The following ADCY1 variants were observed in gnomAD, a reference collection of about 807,000 sequenced individuals.
ADCY1 encodes adenylate cyclase 1.
ADCY1 carries 28 observed loss-of-function variants against 105.4 expected under a neutral mutation model. The observed-to-expected ratio is 0.27, with a 90% CI of 0.20 to 0.36. The LOEUF (loss-of-function observed/expected upper bound fraction) is 0.36. ADCY1 is among the 10% of genes least tolerant of loss of function. The pLI is 1.00. For missense variants in ADCY1, 977 were observed against 1,434.2 expected (o/e 0.68, Z 5.15); for synonymous variants, 655 against 623.8 (o/e 1.05, Z -0.75).
intron 6 of ADCY1, 34 bp downstream of exon 6, chr7:45,657,919 G>GT: frequency 6.8e-7 from 1 of 1,470,500 alleles, no homozygotes; most frequent in Non-Finnish European, 9.3e-7. Context: ...GGGGAGGGAG[G>GT]TGGGTGATGG....
At chr7:45,658,145 A>C (rs908262020) in intron 6 of ADCY1, among the ~76,000 whole-genome samples, 8 of 152,214 alleles carry the variant, frequency 5.3e-5, no homozygotes, top group Admixed American at 5.2e-4. Context: ...CCAGAAGGCC[A>C]GAGCAGATGC....
At chr7:45,657,691 T>C (rs768611652) in intron 5 of ADCY1, 36 bp from the exon 6 acceptor site, 1 of 1,594,118 alleles carries the variant, frequency 6.3e-7, no homozygotes, top group African/African-American at 1.3e-5. Flanking sequence ...GGATACAAGG[T>C]GGGCCCTAGC....
chr7:45,580,976 A>G (rs965440472), intron 1 of ADCY1, among the ~76,000 whole-genome samples: 2 of 151,162 alleles, frequency 1.3e-5, no homozygotes, highest in African/African-American at 2.4e-5. Flanking sequence ...CCAGGGATCA[A>G]CTCCTTAGGT....
rs551484293 is a variant in ADCY1, at chr7:45,650,286, C to T, written c.1148+1489C>T. Among the ~76,000 whole-genome samples the T allele has an allele frequency of 6.6e-5, 10 of 152,150 alleles. No homozygotes were observed. The South Asian group carries it at 2.1e-3, about 32-fold the overall frequency. On this transcript the variant is annotated intron_variant, in intron 5 of 19. Coordinates refer to ENST00000297323, the MANE Select transcript of ADCY1 (RefSeq NM_021116.4). ...TATCACACGTCATATAACTGTCTTT[C>T]GTATTTCTTAATGGATCACATCATA...
chr7:45,653,391 G>A (rs905181709), intron 5 of ADCY1, among the ~76,000 whole-genome samples: 2 of 152,168 alleles, frequency 1.3e-5, no homozygotes, highest in African/African-American at 4.8e-5. Context: ...CTGAGGTTTG[G>A]GGCCAGTCCT....
rs554210336 is a variant in ADCY1, at chr7:45,662,658, A to G, written c.1605+444A>G. The stretch of plus-strand genomic sequence containing the variant: ...TGTGCGGCTTCCTGGCTCCCTCTCT[A>G]TGCAGGAGCTCGCTGCCTGCAGATG... On this transcript the variant is annotated intron_variant, in intron 8 of 19. Transcript: ENST00000297323. Among the ~76,000 whole-genome samples, 8 of 151,120 alleles carry G rather than the reference A, an allele frequency of 5.3e-5. No individual in the cohort carries two copies. In the South Asian group the frequency reaches 8.5e-4, roughly 16 times the overall value.
Position 45,595,480 on chromosome 7 carries a change from C to T in ADCY1, c.789+2572C>T, listed in dbSNP as rs551650599. 3.3e-5 allele frequency among the ~76,000 whole-genome samples: 5 copies of T among 152,284 alleles called. No individual in the cohort carries two copies. In the East Asian group the frequency reaches 9.6e-4, roughly 29 times the overall value. On this transcript the variant is annotated intron_variant, in intron 2 of 19. Coordinates refer to ENST00000297323, the MANE Select transcript of ADCY1 (RefSeq NM_021116.4). The stretch of plus-strand genomic sequence containing the variant: ...TGTTTCCCCTGCCCCTTTCCGTTTA[C>T]TAAGGCTGACGGCGACTCCTTCATG...
At chr7:45,662,626 C>G (rs1035353871) in intron 8 of ADCY1, among the ~76,000 whole-genome samples, 16 of 152,160 alleles carry the variant, frequency 1.1e-4, no homozygotes, top group African/African-American at 3.6e-4. Flanking sequence ...CCTCATCTGT[C>G]TGTGCCTGTG....
rs1195485789 is a variant in ADCY1, at chr7:45,715,844, C to T, written c.*1849C>T. 1 of 152,686 alleles carries T rather than the reference C, an allele frequency of 6.5e-6. No individual in the cohort carries two copies. The highest frequency in any genetic ancestry group is 1.5e-5 in the Non-Finnish European group (1 of 68,448). 9.5% of individuals were successfully genotyped at this position (152,686 alleles called of 1,614,324 possible). A position where few individuals can be genotyped will look rare whatever the true frequency, so the allele number is the denominator to read the frequency against. ...CATGTGGGGGCCCCTGTCTGCCTGT[C>T]CTTAGGGTGTGGATTAGGCTCTGGC... On this transcript the variant is annotated 3_prime_UTR_variant, in exon 20 of 20. Coordinates refer to ENST00000297323, the MANE Select transcript of ADCY1 (RefSeq NM_021116.4).
chr7:45,689,263 A>C (rs1376016128), intron 14 of ADCY1, among the ~76,000 whole-genome samples: 2 of 151,868 alleles, frequency 1.3e-5, no homozygotes, highest in Non-Finnish European at 2.9e-5. Context: ...GTGGGAGGGG[A>C]CCCTGGTGGG....
At position 45,686,285 on chromosome 7, in the gene ADCY1, A is replaced by T; in HGVS notation, c.2327+70A>T. 1 of 1,544,302 alleles carries T rather than the reference A, an allele frequency of 6.5e-7. No individual in the cohort carries two copies. Among genetic ancestry groups the T allele is most frequent in the Non-Finnish European group, 8.8e-7 (1 of 1,142,270 alleles). ...ACTGAATCTGTGTATACAGATATGC[A>T]CTACAGGCTTCTGAGTCCAGAACTA... On this transcript the variant is annotated intron_variant, in intron 13 of 19. Coordinates refer to ENST00000297323, the MANE Select transcript of ADCY1 (RefSeq NM_021116.4). The surrounding 1 kb of genome is among the most constrained non-coding windows in gnomAD (Gnocchi z 4.3).
chr7:45,691,410 G>T (rs1393774499), intron 14 of ADCY1, among the ~76,000 whole-genome samples: 2 of 152,198 alleles, frequency 1.3e-5, no homozygotes, highest in Non-Finnish European at 2.9e-5. Context: ...TTGCCTGTTT[G>T]CCCTTGGACA....
At chr7:45,643,497 A>G (rs368082191) in intron 4 of ADCY1, among the ~76,000 whole-genome samples, 10 of 151,922 alleles carry the variant, frequency 6.6e-5, no homozygotes, top group East Asian at 5.8e-4. Context: ...CTTTGTGGTT[A>G]TTTTTGTCCT....
chr7:45,654,985 G>A (rs944428198), intron 5 of ADCY1, among the ~76,000 whole-genome samples: 1 of 152,182 alleles, frequency 6.6e-6, no homozygotes, highest in Admixed American at 6.5e-5. Context: ...GGCTGCTGCA[G>A]GCGTGTGTGT....
chr7:45,688,665 T>C (rs898216658), intron 14 of ADCY1, among the ~76,000 whole-genome samples: 12 of 152,182 alleles, frequency 7.9e-5, no homozygotes, highest in African/African-American at 2.2e-4. Flanking sequence ...ACACTGTCTA[T>C]ATGTGTATCT....
At chr7:45,585,769 C>A (rs1792705674) in intron 1 of ADCY1, among the ~76,000 whole-genome samples, 2 of 152,114 alleles carry the variant, frequency 1.3e-5, no homozygotes, top group Non-Finnish European at 1.5e-5. Flanking sequence ...TCTTTTATGC[C>A]AAGCACCTTG....
intron 3 of ADCY1, among the ~76,000 whole-genome samples, chr7:45,617,447 A>C (rs1159060403): frequency 6.6e-6 from 1 of 152,070 alleles, no homozygotes; most frequent in Admixed American, 6.6e-5. Flanking sequence ...TGAGAGAGGG[A>C]TGTGTTTACC....
intron 1 of ADCY1, among the ~76,000 whole-genome samples, chr7:45,590,865 G>T (rs1008081893): frequency 2.6e-5 from 4 of 152,184 alleles, no homozygotes; most frequent in Non-Finnish European, 5.9e-5. Flanking sequence ...CCTCCTGCCT[G>T]TGCCTTTGCC....
At chr7:45,584,350 G>A (rs74653458) in intron 1 of ADCY1, among the ~76,000 whole-genome samples, 4,888 of 152,284 alleles carry the variant, frequency 0.032, 167 homozygotes, top group East Asian at 0.17. Flanking sequence ...CGATGCTTCC[G>A]ATGGATGGGG....
Sources: gnomAD v4.1 joint callset for allele counts (sites outside exome capture counted in the v4.1 genomes callset) on GRCh38, gnomAD v4.1.1 for gene constraint, Gnocchi (gnomAD v3.1) non-coding constraint, MANE v1.5 for transcripts, NCBI Gene and HGNC (gene_info 2026-07-23, HGNC 2026-07-21) for gene names.